The following ARHGAP22 variants were observed in gnomAD, a reference collection of about 807,000 sequenced individuals.
ARHGAP22 encodes the protein rho GTPase-activating protein 22.
In ARHGAP22, 48 loss-of-function variants were observed where a neutral mutation model predicts 59.1. The observed-to-expected ratio is 0.81, with a 90% confidence interval of 0.64 to 1.03. The LOEUF is 1.03. Among genes scored for constraint, ARHGAP22 ranks in the 50% least tolerant of loss-of-function variants. The pLI, the probability that ARHGAP22 is intolerant of heterozygous loss-of-function variation, is 0.00. For synonymous variants in ARHGAP22, 445 were observed against 416.4 expected (o/e 1.07, Z -0.84); for missense variants, 1,015 against 958.7 (o/e 1.06, Z -0.78).
upstream of ARHGAP22, chr10:48,605,206 G>A (rs2060619547): frequency 2.0e-6 from 2 of 1,002,294 alleles, no homozygotes; most frequent in African/African-American, 1.7e-5. Context: ...GCCCGGGAGA[G>A]GGTACTGGGG....
chr10:48,451,378 AG>A, intron 8 of ARHGAP22: 1 of 717,430 alleles, frequency 1.4e-6, no homozygotes, highest in Non-Finnish European at 2.5e-6. Context: ...GCAAGCAGGG[AG>A]GAAGCACTGT....
chr10:48,578,708 C>A (rs1359690139), intron 2 of ARHGAP22, among the ~76,000 whole-genome samples: 5 of 150,494 alleles, frequency 3.3e-5, no homozygotes, highest in South Asian at 2.1e-4. Flanking sequence ...TAAAGAGAAA[C>A]AATGAGTGTT....
intron 3 of ARHGAP22, among the ~76,000 whole-genome samples, chr10:48,488,722 T>TGGCATTA (rs2134186396): frequency 6.6e-6 from 1 of 152,318 alleles, no homozygotes; most frequent in African/African-American, 2.4e-5. Context: ...TTAGCGTGGG[T>TGGCATTA]GCTGTTGCCT....
At chr10:48,431,874 A>G in the ARHGAP22 span, among the ~76,000 whole-genome samples, 2 of 152,242 alleles carry the variant, frequency 1.3e-5, no homozygotes, top group African/African-American at 4.8e-5. Flanking sequence ...CTAAGTACAT[A>G]CCACATAACA....
At chr10:48,488,309 CTT>C (rs1259620982) in intron 3 of ARHGAP22, among the ~76,000 whole-genome samples, 2 of 152,114 alleles carry the variant, frequency 1.3e-5, no homozygotes, top group African/African-American at 4.8e-5. Flanking sequence ...GTTTTAATGT[CTT>C]TGCTAATTCT....
downstream of ARHGAP22, chr10:48,444,583 A>G (rs995248373): frequency 2.0e-5 from 3 of 152,220 alleles, no homozygotes; most frequent in Non-Finnish European, 2.9e-5. Context: ...TTAATGGTTG[A>G]GACAGACAGA....
At chr10:48,531,275 G>A (rs1440098950) in intron 3 of ARHGAP22, among the ~76,000 whole-genome samples, 1 of 152,130 alleles carries the variant, frequency 6.6e-6, no homozygotes, top group Non-Finnish European at 1.5e-5. Context: ...TGGGGGAAAG[G>A]GTGGCAGGAG....
intron 3 of ARHGAP22, among the ~76,000 whole-genome samples, chr10:48,491,535 T>G (rs1175075983): frequency 6.6e-6 from 1 of 152,240 alleles, no homozygotes. Context: ...TCATAATGTT[T>G]CTGGTTGGCC....
intron 4 of ARHGAP22, among the ~76,000 whole-genome samples, chr10:48,474,460 C>T (rs1219166887): frequency 6.6e-6 from 1 of 152,172 alleles, no homozygotes; most frequent in East Asian, 1.9e-4. Flanking sequence ...TGGCTAGAAC[C>T]TCTAGTACAA....
At chr10:48,559,421 T>C (rs539569515) in intron 2 of ARHGAP22, among the ~76,000 whole-genome samples, 3 of 152,348 alleles carry the variant, frequency 2.0e-5, no homozygotes, top group East Asian at 3.9e-4. Flanking sequence ...TCTAGCGCCA[T>C]ACAAATGCAG....
chr10:48,500,946 C>A (rs913218748), intron 3 of ARHGAP22, among the ~76,000 whole-genome samples: 1 of 150,690 alleles, frequency 6.6e-6, no homozygotes, highest in Non-Finnish European at 1.5e-5. Flanking sequence ...AAGTGCCAGG[C>A]TCAACCATGG....
intron 1 of ARHGAP22, among the ~76,000 whole-genome samples, chr10:48,634,599 AG>A (rs2061741593): frequency 6.6e-6 from 1 of 152,052 alleles, no homozygotes; most frequent in African/African-American, 2.4e-5. Context: ...TGTGGCTGGC[AG>A]GGCATCTGTC....
intron 3 of ARHGAP22, among the ~76,000 whole-genome samples, chr10:48,527,869 C>A (rs1385907874): frequency 6.6e-6 from 1 of 152,198 alleles, no homozygotes; most frequent in African/African-American, 2.4e-5. Flanking sequence ...TGTTTCCCAG[C>A]AGGAAGGCCA....
At chr10:48,499,156 C>CG (rs1455399945) in intron 3 of ARHGAP22, among the ~76,000 whole-genome samples, 5 of 152,236 alleles carry the variant, frequency 3.3e-5, no homozygotes, top group Non-Finnish European at 7.3e-5. Context: ...ATCACCAGCC[C>CG]GGGGGGCTGC....
intron 4 of ARHGAP22, among the ~76,000 whole-genome samples, chr10:48,466,278 C>A (rs549070069): frequency 2.8e-5 from 4 of 144,512 alleles, no homozygotes; most frequent in Admixed American, 6.9e-5. Flanking sequence ...CGCCCCCCCC[C>A]AGACTCTAAG....
chr10:48,500,565 C>A (rs1414706120), intron 3 of ARHGAP22, among the ~76,000 whole-genome samples: 6 of 152,014 alleles, frequency 3.9e-5, no homozygotes, highest in African/African-American at 7.3e-5. Flanking sequence ...TTATGTCACA[C>A]CTTACAACCA....
At chr10:48,446,696 C>T in intron 9 of ARHGAP22, 77 bp from the exon 10 acceptor site, 1 of 1,439,280 alleles carries the variant, frequency 6.9e-7, no homozygotes. Context: ...CATGCTTGTG[C>T]TCACTGTGGG....
In ARHGAP22 at chr10:48,576,143, G is replaced by A. The variant is rs373722735; in HGVS notation, c.234+6810C>T. On this transcript the variant is annotated intron_variant, in intron 2 of 9. Transcript: ENST00000249601. ...GTAGGATGAGCATCCTATGCCCTAC[G>A]TCAGAGACTATGGGCTCCCCACTGG... 8.5e-5 allele frequency among the ~76,000 whole-genome samples: 13 copies of A among 152,322 alleles called. No individual in the cohort carries two copies. The East Asian group carries it at 1.4e-3, about 16-fold the overall frequency.
intron 3 of ARHGAP22, among the ~76,000 whole-genome samples, chr10:48,504,063 G>T (rs979977836): frequency 6.6e-6 from 1 of 152,152 alleles, no homozygotes. Flanking sequence ...AAGGAGGGAT[G>T]GGAAGGAGGG....
Sources: allele counts gnomAD v4.1 joint callset (sites outside exome capture counted in the v4.1 genomes callset), GRCh38; gene constraint gnomAD v4.1.1; transcripts MANE v1.5; gene names NCBI Gene and HGNC (gene_info 2026-07-23, HGNC 2026-07-21).